Variants in PI4K2B observed in about 807,000 individuals in gnomAD.
The protein encoded by PI4K2B is phosphatidylinositol 4-kinase type 2 beta, also known as phosphatidylinositol 4-kinase type 2-beta.
A neutral mutation model predicts 56.6 loss-of-function variants in PI4K2B; 46 were observed. The observed-to-expected ratio is 0.81, with a 90% CI of 0.64 to 1.04. The LOEUF is 1.04. PI4K2B is among the 50% of genes least tolerant of loss of function. The pLI is 0.00. For missense variants in PI4K2B, 556 were observed against 607.7 expected, an observed-to-expected ratio of 0.91 and a Z score of 0.89; for synonymous variants, 211 against 223.8, an observed-to-expected ratio of 0.94 and a Z score of 0.51.
In PI4K2B at chr4:25,235,065, C is replaced by T. The variant is rs533313589; in HGVS notation, c.268+634C>T. Among the ~76,000 whole-genome samples the T allele has an allele frequency of 2.6e-5, 4 of 152,198 alleles. No homozygotes were observed. The South Asian group carries it at 8.3e-4, about 32-fold the overall frequency. On this transcript the variant is annotated intron_variant, in intron 1 of 9. Coordinates refer to ENST00000264864, the MANE Select transcript of PI4K2B (RefSeq NM_018323.4). ...TATTAAGCGGACTGATAACCTCAGG[C>T]GAAACAGGGCAGTTGAAATGATGTT...
rs1256672219 is a variant in PI4K2B at position 25,234,228 on chromosome 4, A to T, written c.65A>T (p.Glu22Val). The T allele has an allele frequency of 5.6e-6, 8 of 1,425,674 alleles. No individual in the cohort carries two copies. 88.3% of individuals were successfully genotyped at this position (1,425,674 alleles called of 1,614,324 possible). A position where few individuals can be genotyped will look rare whatever the true frequency, so the allele number is the denominator to read the frequency against. ...GACGGCGGGAGCCCGGAGGAGGAGG[A>T]GGATGGGGAGCGGGAGCCGCTGCTA... ...SADGGSPEEE[E>V]DGEREPLLPR... The change falls in exon 1 of 10, where the codon GAG becomes GTG. Residue 22 changes from glutamate to valine, a missense_variant. By Grantham distance (121) the Glu-to-Val change is moderately radical (BLOSUM62 -2). Coordinates refer to ENST00000264864, the MANE Select transcript of PI4K2B (RefSeq NM_018323.4).
chr4:25,253,917 G>A (rs1211190417), intron 2 of PI4K2B, among the ~76,000 whole-genome samples: 8 of 152,082 alleles, frequency 5.3e-5, no homozygotes, highest in African/African-American at 1.7e-4. Flanking sequence ...GATTACAGGC[G>A]CTCGCCACCA....
At chr4:25,274,603 C>T (rs1717030337) in intron 9 of PI4K2B, among the ~76,000 whole-genome samples, 1 of 152,010 alleles carries the variant, frequency 6.6e-6, no homozygotes, top group Non-Finnish European at 1.5e-5. Context: ...CATGGCTTTT[C>T]CCTCATTTGG....
chr4:25,276,922 A>T, intron 9 of PI4K2B, 92 bp from the exon 10 acceptor site: 1 of 1,424,276 alleles, frequency 7.0e-7, no homozygotes, highest in Non-Finnish European at 9.3e-7. Context: ...TGGATGAAAT[A>T]AAAATTATAA....
chr4:25,256,460 C>A, intron 3 of PI4K2B, 83 bp from the exon 4 acceptor site: 10 of 1,279,450 alleles, frequency 7.8e-6, no homozygotes, highest in Non-Finnish European at 1.1e-5. Flanking sequence ...TAATTTTCAT[C>A]ATTAGAGTGA....
intron 5 of PI4K2B, among the ~76,000 whole-genome samples, chr4:25,259,595 C>T (rs751698481): frequency 3.3e-5 from 5 of 152,018 alleles, no homozygotes; most frequent in East Asian, 1.9e-4. Context: ...GGAGCAATGA[C>T]GTAGACCAGG....
At chr4:25,236,250 TAAA>T (rs1560363660) in intron 1 of PI4K2B, among the ~76,000 whole-genome samples, 6 of 108,060 alleles carry the variant, frequency 5.6e-5, no homozygotes, top group African/African-American at 1.8e-4. Context: ...AATAAATAAA[TAAA>T]TAAATTTTAT....
intron 1 of PI4K2B, among the ~76,000 whole-genome samples, chr4:25,235,974 C>G (rs1192152900): frequency 1.3e-5 from 2 of 149,564 alleles, no homozygotes; most frequent in Non-Finnish European, 3.0e-5. Flanking sequence ...GGCAACATAG[C>G]GAGATCCCCA....
Position 25,237,342 on chromosome 4 carries a change from G to GT in PI4K2B, c.268+2923dup, listed in dbSNP as rs36107923. 1.0e-4 allele frequency among the ~76,000 whole-genome samples: 15 copies of GT among 144,702 alleles called. No homozygotes were observed. In the East Asian group the frequency reaches 1.4e-3, roughly 13 times the overall value. The allele number at this position is 144,702 out of a possible 152,430, so 94.9% of individuals were successfully genotyped here. On this transcript the variant is annotated intron_variant, in intron 1 of 9. Coordinates refer to ENST00000264864, the MANE Select transcript of PI4K2B (RefSeq NM_018323.4). ...ACCCTGTGATGTGAGTACTATTTTT[G>GT]TTTTTTTTTTTTGTTTTTGGCAGTG... is the stretch of plus-strand genomic sequence containing the variant.
intron 1 of PI4K2B, among the ~76,000 whole-genome samples, chr4:25,251,712 T>G (rs539709826): frequency 6.6e-6 from 1 of 152,088 alleles, no homozygotes; most frequent in Non-Finnish European, 1.5e-5. Flanking sequence ...AACTAGAGGA[T>G]GAAGTAGGAT....
At chr4:25,258,227 T>TTTTTTTTTTG (rs58366884) in intron 4 of PI4K2B, among the ~76,000 whole-genome samples, 1 of 150,050 alleles carries the variant, frequency 6.7e-6, no homozygotes, top group African/African-American at 2.4e-5. Context: ...TTTTTTTTTT[T>TTTTTTTTTTG]GAGACAGTCT....
intron 1 of PI4K2B, among the ~76,000 whole-genome samples, chr4:25,239,430 C>T (rs113527782): frequency 5.1e-5 from 6 of 117,782 alleles, no homozygotes; most frequent in African/African-American, 1.5e-4. Flanking sequence ...AGCACGGTGC[C>T]GGCCCAGGGG....
intron 8 of PI4K2B, 81 bp downstream of exon 8, chr4:25,268,657 T>C (rs1371179481): frequency 1.0e-6 from 1 of 985,100 alleles, no homozygotes; most frequent in Non-Finnish European, 1.5e-6. Flanking sequence ...TGATTTGCAA[T>C]TTTCTATTTC....
intron 2 of PI4K2B, chr4:25,254,324 A>G (rs894924267): frequency 1.4e-5 from 9 of 634,376 alleles, no homozygotes; most frequent in Non-Finnish European, 1.6e-5. Flanking sequence ...AACAGCAAAC[A>G]TGTAATGTGG....
At chr4:25,238,695 C>T (rs138545047) in intron 1 of PI4K2B, among the ~76,000 whole-genome samples, 30 of 152,186 alleles carry the variant, frequency 2.0e-4, no homozygotes, top group South Asian at 1.7e-3. Context: ...TTCCTGGTCT[C>T]GCTGGCTTCA....
intron 1 of PI4K2B, among the ~76,000 whole-genome samples, chr4:25,239,745 C>T (rs546635169): frequency 1.5e-3 from 225 of 152,334 alleles, no homozygotes; most frequent in Non-Finnish European, 2.5e-3. Flanking sequence ...GCCGAGGAGG[C>T]GCCGAGAGTG....
At chr4:25,240,189 C>G (rs1489459825) in intron 1 of PI4K2B, among the ~76,000 whole-genome samples, 1 of 152,308 alleles carries the variant, frequency 6.6e-6, no homozygotes, top group East Asian at 1.9e-4. Context: ...TGTCTGATTT[C>G]AGAAGCCTTT....
chr4:25,249,698 G>A (rs904875596), intron 1 of PI4K2B, among the ~76,000 whole-genome samples: 1 of 151,934 alleles, frequency 6.6e-6, no homozygotes, highest in Admixed American at 6.6e-5. Context: ...TTCCCAGACG[G>A]GGTGGCGGCC....
In PI4K2B at chr4:25,255,127, G is replaced by T; in HGVS notation, c.486G>T (p.Trp162Cys). ...CTTATGGTCAACTCAATCCAAAATG[G>T]ACCAAATATGTCCATAAGGTCTGCT... ...EEPYGQLNPK[W>C]TKYVHKVCCP... is the part of the protein sequence containing the mutation. Residue 162 changes from tryptophan to cysteine, a missense_variant, in exon 3 of 10, where the codon TGG (tryptophan) becomes TGT (cysteine). Coordinates refer to ENST00000264864, the MANE Select transcript of PI4K2B (RefSeq NM_018323.4). 6.2e-7 allele frequency: 1 copy of T among 1,614,018 alleles called. No individual in the cohort carries two copies. Among genetic ancestry groups the T allele is most frequent in the Non-Finnish European group, 8.5e-7 (1 of 1,179,932 alleles).
Sources: gnomAD v4.1 joint callset for allele counts (sites outside exome capture counted in the v4.1 genomes callset) on GRCh38, gnomAD v4.1.1 for gene constraint, MANE v1.5 for transcripts, NCBI Gene and HGNC (gene_info 2026-07-23, HGNC 2026-07-21) for gene names.